GNB1: variants seen among roughly 807,000 people sequenced by gnomAD.
The protein encoded by GNB1 is G protein subunit beta 1.
A neutral mutation model predicts 42.9 loss-of-function variants in GNB1; 2 were observed. The observed-to-expected ratio is 0.05, with a 90% CI of 0.02 to 0.15. The LOEUF (loss-of-function observed/expected upper bound fraction) is 0.15. Among genes scored for constraint, GNB1 ranks in the 10% least tolerant of loss-of-function variants. The pLI is 1.00. For synonymous variants in GNB1, 183 were observed against 174.7 expected, an observed-to-expected ratio of 1.05 and a Z score of -0.38; for missense variants, 193 against 462.2, an observed-to-expected ratio of 0.42 and a Z score of 5.34.
chr1:1,874,100 C>T (rs1025424528), intron 1 of GNB1, among the ~76,000 whole-genome samples: 1 of 152,164 alleles, frequency 6.6e-6, no homozygotes, highest in Admixed American at 6.5e-5. Context: ...GCAGCAGCCT[C>T]GATCCATCCC....
At position 1,880,541 on chromosome 1, in the gene GNB1, G is replaced by A. The variant is rs1004871689; in HGVS notation, c.-96+10279C>T. On this transcript the variant is annotated intron_variant, in intron 1 of 11. Coordinates refer to ENST00000378609, the MANE Select transcript of GNB1 (RefSeq NM_002074.5). ...GCGGAGCTGGCAGTGAGCCGAGATC[G>A]CGCCACTGCACTCCAGCCTGGGCGA... Among the ~76,000 whole-genome samples the A allele has an allele frequency of 3.3e-5, 5 of 151,882 alleles. No individual in the cohort carries two copies. In the East Asian group the frequency reaches 5.8e-4, roughly 18 times the overall value.
At position 1,806,541 on chromosome 1, in the gene GNB1, G is replaced by A; in HGVS notation, c.204-3C>T. 1 of 1,602,960 alleles carries A rather than the reference G, an allele frequency of 6.2e-7. No individual in the cohort carries two copies. The highest frequency in any genetic ancestry group is 1.7e-4 in the Middle Eastern group (1 of 6,050). ...CCTGCGAGGCACTGACGAGAAGCCT[G>A]GAGGGACAGACAAAAGCAAACCTAT... On this transcript the variant is annotated splice_polypyrimidine_tract_variant and splice_region_variant and intron_variant, in intron 5 of 11. Coordinates refer to ENST00000378609, the MANE Select transcript of GNB1 (RefSeq NM_002074.5).
intron 2 of GNB1, among the ~76,000 whole-genome samples, chr1:1,828,842 G>A (rs1557908994): frequency 6.6e-6 from 1 of 151,902 alleles, no homozygotes; most frequent in African/African-American, 2.4e-5. Flanking sequence ...AGCAGTTTGC[G>A]ACCAGCCTGG....
chr1:1,859,100 C>T (rs1204870126), intron 1 of GNB1, among the ~76,000 whole-genome samples: 1 of 151,536 alleles, frequency 6.6e-6, no homozygotes, highest in Non-Finnish European at 1.5e-5. Context: ...CAGCTCACTG[C>T]AACCTCCACC....
chr1:1,881,569 T>C (rs1199264145), intron 1 of GNB1, among the ~76,000 whole-genome samples: 2 of 151,938 alleles, frequency 1.3e-5, no homozygotes, highest in African/African-American at 4.8e-5. Context: ...AAGCCTAATT[T>C]TTATATGTTT....
intron 1 of GNB1, among the ~76,000 whole-genome samples, chr1:1,878,071 G>A (rs1011685985): frequency 2.0e-5 from 3 of 152,168 alleles, no homozygotes; most frequent in Non-Finnish European, 4.4e-5. Flanking sequence ...CTGTCACCAC[G>A]GCCAACTGTC....
intron 1 of GNB1, among the ~76,000 whole-genome samples, chr1:1,865,788 T>C (rs1164714279): frequency 6.6e-6 from 1 of 152,236 alleles, no homozygotes; most frequent in Non-Finnish European, 1.5e-5. Flanking sequence ...AACTTTTAAA[T>C]GTAAATAATC....
chr1:1,814,796 T>TC (rs1646828013), intron 5 of GNB1, among the ~76,000 whole-genome samples: 1 of 30,666 alleles, frequency 3.3e-5, no homozygotes, highest in Non-Finnish European at 7.4e-5. Flanking sequence ...AGACCCTGTC[T>TC]CAAAAAAAAA....
intron 1 of GNB1, among the ~76,000 whole-genome samples, chr1:1,841,293 A>G (rs1410124537): frequency 6.6e-6 from 1 of 152,106 alleles, no homozygotes. Flanking sequence ...GGTTCCAGCG[A>G]TTTTCCTGCC....
intron 7 of GNB1, among the ~76,000 whole-genome samples, chr1:1,801,863 G>A (rs1646631128): frequency 6.6e-6 from 1 of 152,212 alleles, no homozygotes; most frequent in Admixed American, 6.5e-5. Flanking sequence ...GTCTGTAACA[G>A]ACTATTTTCA....
At chr1:1,885,876 A>C (rs1650126724) in intron 1 of GNB1, among the ~76,000 whole-genome samples, 1 of 151,228 alleles carries the variant, frequency 6.6e-6, no homozygotes, top group African/African-American at 2.5e-5. Context: ...CTTAAAAAAA[A>C]AAAAAAGCAA....
In GNB1 at chr1:1,806,607, T is replaced by A. The variant is rs1646698451; in HGVS notation, c.204-69A>T. On this transcript the variant is annotated intron_variant, in intron 5 of 11. Transcript: ENST00000378609. ...CAGAAAGTGTACAAGAGCAACAGACTAAAACCCAGACTCTGGTGGCTTATG... is the reference window on the plus strand; with the variant it reads ...CAGAAAGTGTACAAGAGCAACAGACAAAAACCCAGACTCTGGTGGCTTATG... 17 of 1,019,540 alleles carry A rather than the reference T, an allele frequency of 1.7e-5. No homozygotes were observed. In the South Asian group the frequency reaches 1.7e-4, roughly 10 times the overall value. 63.2% of individuals were successfully genotyped at this position (1,019,540 alleles called of 1,614,324 possible). A position where few individuals can be genotyped will look rare whatever the true frequency, so the allele number is the denominator to read the frequency against.
intron 1 of GNB1, among the ~76,000 whole-genome samples, chr1:1,849,470 A>C (rs1279671064): frequency 6.6e-6 from 1 of 152,186 alleles, no homozygotes; most frequent in Non-Finnish European, 1.5e-5. Flanking sequence ...GCAGTGGCAC[A>C]ATCTTGGCTC....
At chr1:1,837,705 C>T (rs977820812) in intron 2 of GNB1, among the ~76,000 whole-genome samples, 3 of 151,494 alleles carry the variant, frequency 2.0e-5, no homozygotes, top group Admixed American at 1.3e-4. Flanking sequence ...ACTACAGGGG[C>T]GTGCCACCAC....
chr1:1,842,864 A>C (rs1042304733), intron 1 of GNB1, among the ~76,000 whole-genome samples: 1 of 152,238 alleles, frequency 6.6e-6, no homozygotes, highest in Non-Finnish European at 1.5e-5. Flanking sequence ...ACTACCCCAG[A>C]CTTCAGGAAG....
intron 7 of GNB1, among the ~76,000 whole-genome samples, chr1:1,800,513 G>T (rs761336372): frequency 6.6e-6 from 1 of 152,096 alleles, no homozygotes; most frequent in Non-Finnish European, 1.5e-5. Flanking sequence ...TGAAGAAGTG[G>T]GAAAGTGATG....
intron 2 of GNB1, among the ~76,000 whole-genome samples, chr1:1,836,856 CT>C (rs35131919): frequency 0.35 from 41,711 of 119,992 alleles, 5,655 homozygotes; most frequent in Middle Eastern, 0.43. Flanking sequence ...CGACTGCTAA[CT>C]TTTTTTTTTT....
intron 1 of GNB1, among the ~76,000 whole-genome samples, chr1:1,872,818 G>A (rs577917588): frequency 6.6e-6 from 1 of 152,020 alleles, no homozygotes; most frequent in Non-Finnish European, 1.5e-5. Context: ...GCAACTTCTC[G>A]GTACTCAACC....
chr1:1,787,336 TC>T lies in GNB1; in HGVS notation c.1017del (p.Trp339Ter). The T allele has an allele frequency of 6.3e-7, 1 of 1,592,888 alleles. No homozygotes were observed. The stretch of plus-strand genomic sequence containing the variant: ...TGCTGCATTACCTACTGGCGTTAGT[TC>T]CAGATCTTGAGGAAGCTATCCCAGG... ...TGSWDSFLKI[W>X]N On this transcript the variant is annotated frameshift_variant, in exon 11 of 12. Transcript: ENST00000378609. LOFTEE classifies it high-confidence loss of function. The surrounding 1 kb of genome is among the most constrained non-coding windows in gnomAD (Gnocchi z 4.4).
Sources: allele counts gnomAD v4.1 joint callset (sites outside exome capture counted in the v4.1 genomes callset), GRCh38; gene constraint gnomAD v4.1.1; non-coding constraint Gnocchi (gnomAD v3.1); transcripts MANE v1.5; gene names NCBI Gene and HGNC (gene_info 2026-07-23, HGNC 2026-07-21).